The following PAN3 variants were observed in gnomAD, a reference collection of about 807,000 sequenced individuals.
PAN3 encodes the protein poly(A) specific ribonuclease subunit PAN3.
In PAN3, 19 loss-of-function variants were observed where a neutral mutation model predicts 96.2. That is an observed-to-expected ratio of 0.20 (90% CI 0.14 to 0.29). The LOEUF (loss-of-function observed/expected upper bound fraction) is 0.29. Among genes scored for constraint, PAN3 ranks in the 10% least tolerant of loss-of-function variants. PAN3 has a pLI of 1.00. For synonymous variants in PAN3, 433 were observed against 406.6 expected, an observed-to-expected ratio of 1.06 and a Z score of -0.78; for missense variants, 882 against 1,108.1, an observed-to-expected ratio of 0.80 and a Z score of 2.90.
intron 4 of PAN3, among the ~76,000 whole-genome samples, chr13:28,182,449 T>A (rs1800801635): frequency 6.6e-6 from 1 of 152,216 alleles, no homozygotes. Flanking sequence ...TTTAGTATGT[T>A]GTTTCAGTCA....
At chr13:28,213,836 C>G (rs1460388836) in intron 5 of PAN3, among the ~76,000 whole-genome samples, 1 of 151,812 alleles carries the variant, frequency 6.6e-6, no homozygotes, top group Non-Finnish European at 1.5e-5. Flanking sequence ...TATAAAATGG[C>G]AAATAAGTTA....
At chr13:28,231,568 A>G in intron 6 of PAN3, among the ~76,000 whole-genome samples, 1 of 152,212 alleles carries the variant, frequency 6.6e-6, no homozygotes, top group South Asian at 2.1e-4. Context: ...TTCAGCCAAA[A>G]TGAAGTAGGA....
At chr13:28,204,947 C>G (rs952809637) in intron 5 of PAN3, among the ~76,000 whole-genome samples, 2 of 152,206 alleles carry the variant, frequency 1.3e-5, no homozygotes, top group South Asian at 4.1e-4. Flanking sequence ...GTCTCCTTGT[C>G]AGCATCTCTT....
At chr13:28,289,591 T>C (rs1218048029) in intron 18 of PAN3, among the ~76,000 whole-genome samples, 1 of 151,972 alleles carries the variant, frequency 6.6e-6, no homozygotes, top group East Asian at 1.9e-4. Context: ...TTAGAAAAGG[T>C]TGGGAAAAGG....
At chr13:28,170,364 A>T (rs1874142840) in intron 1 of PAN3, among the ~76,000 whole-genome samples, 1 of 152,164 alleles carries the variant, frequency 6.6e-6, no homozygotes, top group Admixed American at 6.6e-5. Context: ...AATATTCATT[A>T]ATTTTACCAG....
intron 1 of PAN3, among the ~76,000 whole-genome samples, chr13:28,164,904 A>G (rs931249652): frequency 1.3e-5 from 2 of 151,814 alleles, no homozygotes; most frequent in African/African-American, 4.8e-5. Context: ...CTGCTGACAG[A>G]TGGAGAAGTT....
At chr13:28,175,305 C>T (rs573607084) in intron 2 of PAN3, among the ~76,000 whole-genome samples, 27 of 152,272 alleles carry the variant, frequency 1.8e-4, no homozygotes, top group Non-Finnish European at 2.8e-4. Flanking sequence ...AGTACAGTGG[C>T]GCAATCATGG....
chr13:28,144,739 T>C (rs745898898), intron 1 of PAN3, among the ~76,000 whole-genome samples: 2,469 of 148,130 alleles, frequency 0.017, 85 homozygotes, highest in African/African-American at 0.059. Context: ...TTTTTTTTTT[T>C]CCTCAGAGCC....
Position 28,272,090 on chromosome 13 carries a change from G to A in PAN3, c.2049+19G>A. 6.9e-7 allele frequency: 1 copy of A among 1,441,382 alleles called. No homozygotes were observed. The allele number at this position is 1,441,382 out of a possible 1,614,324, so 89.3% of individuals were successfully genotyped here. On this transcript the variant is annotated intron_variant, in intron 14 of 18. Transcript: ENST00000380958. ...GTACCAGGTGAGTAAGAATTAACAT[G>A]GATATTTACTTGTTTTCCTTTATTA...
intron 5 of PAN3, among the ~76,000 whole-genome samples, chr13:28,206,623 C>T (rs998272176): frequency 6.6e-6 from 1 of 152,006 alleles, no homozygotes; most frequent in Admixed American, 6.6e-5. Context: ...CACGCGGCCC[C>T]TAACTGACAA....
chr13:28,173,375 A>G (rs1874551279), intron 1 of PAN3, among the ~76,000 whole-genome samples: 1 of 152,222 alleles, frequency 6.6e-6, no homozygotes, highest in African/African-American at 2.4e-5. Flanking sequence ...GATACTATTC[A>G]GCCATATCCT....
chr13:28,154,417 G>A (rs909334710), intron 1 of PAN3, among the ~76,000 whole-genome samples: 1 of 151,802 alleles, frequency 6.6e-6, no homozygotes, highest in East Asian at 1.9e-4. Context: ...AGGCCTTGCT[G>A]TGGCTATCTT....
chr13:28,157,309 A>G (rs1051150991), intron 1 of PAN3, among the ~76,000 whole-genome samples: 1 of 152,180 alleles, frequency 6.6e-6, no homozygotes, highest in African/African-American at 2.4e-5. Flanking sequence ...GAACAAGACA[A>G]GGATGCCTAC....
chr13:28,260,057 A>G (rs534403679), intron 7 of PAN3, among the ~76,000 whole-genome samples: 2 of 152,314 alleles, frequency 1.3e-5, no homozygotes, highest in African/African-American at 2.4e-5. Context: ...GCTATCATGT[A>G]AAGATTAAAA....
At position 28,215,815 on chromosome 13, in the gene PAN3, G is replaced by A. The variant is rs545594639; in HGVS notation, c.853-4416G>A. 2.8e-4 allele frequency: 387 copies of A among 1,368,406 alleles called. 7 individuals carry two copies. The East Asian group carries it at 8.7e-3, about 31-fold the overall frequency. The allele number at this position is 1,368,406 out of a possible 1,614,324, so 84.8% of individuals were successfully genotyped here. A position where few individuals can be genotyped will look rare whatever the true frequency, so the allele number is the denominator to read the frequency against. On this transcript the variant is annotated intron_variant, in intron 5 of 18. Transcript: ENST00000380958. ...GATGTGAGACAGACAGTTGCTGTGGGTGTCATCAAAGCAGTGGACAAGAAG... is the reference window on the plus strand; with the variant it reads ...GATGTGAGACAGACAGTTGCTGTGGATGTCATCAAAGCAGTGGACAAGAAG...
intron 3 of PAN3, 43 bp downstream of exon 3, chr13:28,176,602 T>C: frequency 6.4e-7 from 1 of 1,555,966 alleles, no homozygotes; most frequent in African/African-American, 1.4e-5. Context: ...TGTGTATATA[T>C]TTCTTACTCT....
chr13:28,148,592 C>T (rs556654633), intron 1 of PAN3, among the ~76,000 whole-genome samples: 2 of 152,326 alleles, frequency 1.3e-5, no homozygotes, highest in South Asian at 4.1e-4. Context: ...CTCCTTCCCT[C>T]CCTAGTTACC....
intron 1 of PAN3, among the ~76,000 whole-genome samples, chr13:28,147,255 A>G (rs1870782253): frequency 6.6e-6 from 1 of 152,184 alleles, no homozygotes; most frequent in Non-Finnish European, 1.5e-5. Flanking sequence ...CCACATTTTG[A>G]ATTTACAATT....
intron 1 of PAN3, among the ~76,000 whole-genome samples, chr13:28,157,976 C>T (rs190967554): frequency 1.6e-4 from 24 of 152,258 alleles, no homozygotes; most frequent in Admixed American, 3.9e-4. Flanking sequence ...ATCAAAACAG[C>T]GTGGTACAGG....
Sources: gnomAD v4.1 joint callset for allele counts (sites outside exome capture counted in the v4.1 genomes callset) on GRCh38, gnomAD v4.1.1 for gene constraint, MANE v1.5 for transcripts, NCBI Gene and HGNC (gene_info 2026-07-23, HGNC 2026-07-21) for gene names.